TRAFD1: variants seen among roughly 807,000 people sequenced by gnomAD.
The protein encoded by TRAFD1 is TRAF-type zinc finger domain-containing protein 1.
Under a neutral mutation model 65.3 loss-of-function variants are expected in TRAFD1, and 38 were observed. The ratio of observed to expected loss-of-function variants is 0.58; its 90% confidence interval spans 0.45 to 0.76. TRAFD1 has a LOEUF of 0.76. Ranked by LOEUF, TRAFD1 falls within the 30% of genes least tolerant of loss-of-function variation. The pLI, the probability that TRAFD1 is intolerant of heterozygous loss-of-function variation, is 0.00. For synonymous variants in TRAFD1, 223 were observed against 257.2 expected, an observed-to-expected ratio of 0.87 and a Z score of 1.27; for missense variants, 631 against 712.6, an observed-to-expected ratio of 0.89 and a Z score of 1.30.
chr12:112,151,488 G>T (rs1169253625), intron 9 of TRAFD1, among the ~76,000 whole-genome samples: 1 of 151,516 alleles, frequency 6.6e-6, no homozygotes, highest in African/African-American at 2.4e-5. Flanking sequence ...CACCTCCTGG[G>T]TTTAAGTGAT....
At chr12:112,146,492 C>T (rs1278999952) in intron 7 of TRAFD1, among the ~76,000 whole-genome samples, 3 of 152,202 alleles carry the variant, frequency 2.0e-5, no homozygotes, top group African/African-American at 7.2e-5. Flanking sequence ...GATCTGGTCT[C>T]ATCTCATGCC....
intron 9 of TRAFD1, 59 bp downstream of exon 9, chr12:112,149,930 T>C (rs1338827585): frequency 6.2e-7 from 1 of 1,603,150 alleles, no homozygotes; most frequent in Non-Finnish European, 8.5e-7. Context: ...CCGGCCTGTT[T>C]ACCACTTCCC....
In TRAFD1 at chr12:112,152,001, A is replaced by G. The variant is rs1356549937; in HGVS notation, c.1480A>G (p.Ile494Val). The G allele has an allele frequency of 6.2e-7, 1 of 1,614,234 alleles. No individual in the cohort carries two copies. Among genetic ancestry groups the G allele is most frequent in the African/African-American group, 1.3e-5 (1 of 75,058 alleles). The change falls in exon 10 of 12, where the codon ATC becomes GTC. Residue 494 changes from isoleucine (I) to valine (V), a missense_variant. Physicochemically the swap from Ile to Val is conservative, Grantham distance 29. Coordinates refer to ENST00000412615, the MANE Select transcript of TRAFD1 (RefSeq NM_006700.3). This position sits in a 1 kb window ranked among gnomAD's most constrained non-coding sequence, Gnocchi z 5.0. ...PKLSNSDSQD[I>V]QGRNRDSQNG... ...GCTCAGCAACTCAGACAGCCAGGACATCCAGGGGCGGAATCGAGACAGCCA... is the reference window on the plus strand; with the variant it reads ...GCTCAGCAACTCAGACAGCCAGGACGTCCAGGGGCGGAATCGAGACAGCCA...
chr12:112,144,028 A>C (rs780139008), intron 6 of TRAFD1, among the ~76,000 whole-genome samples: 1 of 152,106 alleles, frequency 6.6e-6, no homozygotes, highest in African/African-American at 2.4e-5. Context: ...TGCGCCCAGC[A>C]TAGTTCCCTC....
intron 4 of TRAFD1, among the ~76,000 whole-genome samples, chr12:112,138,502 A>C (rs1032797032): frequency 2.0e-5 from 3 of 151,728 alleles, no homozygotes; most frequent in African/African-American, 7.3e-5. Flanking sequence ...GTGAGCCAAG[A>C]TCACACCACT....
rs751622016 is a variant in TRAFD1 at position 112,148,201 on chromosome 12, CTT to C, written c.1057_1058del (p.Leu353AspfsTer18). ...CAGGCTGCAAGTAACCAGTTAGACT[CTT>C]TGATGGGCCTGAGCAATTCACACCC... On this transcript the variant is annotated frameshift_variant, in exon 8 of 12. Transcript: ENST00000412615. LOFTEE classifies it high-confidence loss of function. The C allele has an allele frequency of 6.2e-7, 1 of 1,614,188 alleles. No individual in the cohort carries two copies. The highest frequency in any genetic ancestry group is 2.2e-5 in the East Asian group (1 of 44,882).
intron 9 of TRAFD1, among the ~76,000 whole-genome samples, chr12:112,151,015 G>A (rs1007153197): frequency 2.0e-5 from 3 of 152,020 alleles, no homozygotes; most frequent in Non-Finnish European, 4.4e-5. Context: ...TGAGGTGGGC[G>A]GATCACAAGG....
chr12:112,133,095 A>G (rs144000137), intron 2 of TRAFD1: 2 of 152,250 alleles, frequency 1.3e-5, no homozygotes, highest in African/African-American at 2.4e-5. Context: ...AAATGGTCTT[A>G]CTCTTTCATG....
In TRAFD1 at chr12:112,152,574, T is replaced by C. The variant is rs2030440328; in HGVS notation, c.1692+75T>C. On this transcript the variant is annotated intron_variant, in intron 11 of 11. Transcript: ENST00000412615. This position sits in a 1 kb window ranked among gnomAD's most constrained non-coding sequence, Gnocchi z 5.0. ...GGGGCTTGTGTGGCTCCTGAAGTTG[T>C]AGAAGTTGTTGGGACCAGGCTGGTT... 3 of 1,600,632 alleles carry C rather than the reference T, an allele frequency of 1.9e-6. No individual in the cohort carries two copies. Among genetic ancestry groups the C allele is most frequent in the Non-Finnish European group, 2.6e-6 (3 of 1,169,920 alleles).
chr12:112,144,088 C>CA (rs1270299810), intron 6 of TRAFD1, among the ~76,000 whole-genome samples: 1 of 151,894 alleles, frequency 6.6e-6, no homozygotes, highest in African/African-American at 2.4e-5. Flanking sequence ...CTTTTGTGTC[C>CA]AAAAATAGCA....
In TRAFD1 at chr12:112,152,694, C is replaced by T. The variant is rs775236840; in HGVS notation, c.1693-41C>T. 51 of 1,613,518 alleles carry T rather than the reference C, an allele frequency of 3.2e-5. 1 individual carries two copies. In the Admixed American group the frequency reaches 8.5e-4, roughly 27 times the overall value. Reference sequence around the variant, plus strand: ...CCAGGGGAGGAGTAATGCTTTTTCACTTTTTATGTAAAGCTTCGTTTGTGT... The same window carrying T: ...CCAGGGGAGGAGTAATGCTTTTTCATTTTTTATGTAAAGCTTCGTTTGTGT... On this transcript the variant is annotated intron_variant, in intron 11 of 11. Transcript: ENST00000412615. This position sits in a 1 kb window ranked among gnomAD's most constrained non-coding sequence, Gnocchi z 5.0.
intron 9 of TRAFD1, among the ~76,000 whole-genome samples, chr12:112,151,164 G>A (rs2030393669): frequency 6.6e-6 from 1 of 151,946 alleles, no homozygotes; most frequent in South Asian, 2.1e-4. Flanking sequence ...CTTGAATCCA[G>A]GAGGCAGAGG....
intron 7 of TRAFD1, among the ~76,000 whole-genome samples, 153 bp from the exon 8 acceptor site, chr12:112,147,921 G>A (rs1423827653): frequency 1.3e-5 from 2 of 151,624 alleles, no homozygotes; most frequent in Non-Finnish European, 2.9e-5. Context: ...CACCTGCCTC[G>A]GCCTCCCAAA....
chr12:112,145,043 G>A (rs1029120392), intron 6 of TRAFD1, among the ~76,000 whole-genome samples: 7 of 152,084 alleles, frequency 4.6e-5, no homozygotes, highest in African/African-American at 9.7e-5. Flanking sequence ...CCTACATCCC[G>A]CCATTGTTCA....
rs1192732528 is a variant in TRAFD1 at position 112,142,203 on chromosome 12, A to G, written c.758A>G (p.Gln253Arg). The change falls in exon 6 of 12, where the codon CAA becomes CGA. Residue 253 changes from glutamine (Q) to arginine (R), a missense_variant. Gln to Arg is a conservative substitution (Grantham distance 43). Coordinates refer to ENST00000412615, the MANE Select transcript of TRAFD1 (RefSeq NM_006700.3). The part of the protein sequence containing the change: ...MLALSLQNEG[Q>R]ASSVAEQDFW... ...GCCCTAAGTCTGCAAAATGAAGGCC[A>G]AGCCTCCAGTGTGGCAGAGCAGGAC... is the stretch of plus-strand genomic sequence containing the variant. 6.2e-7 allele frequency: 1 copy of G among 1,614,032 alleles called. No homozygotes were observed. The highest frequency in any genetic ancestry group is 1.7e-5 in the Admixed American group (1 of 60,012).
intron 1 of TRAFD1, 73 bp downstream of exon 1, chr12:112,125,691 G>A (rs1244271168): frequency 3.3e-5 from 5 of 152,390 alleles, no homozygotes; most frequent in Non-Finnish European, 7.3e-5. Flanking sequence ...AGCATCCCAA[G>A]GGAGGGGTGT....
Position 112,134,733 on chromosome 12 carries a change from C to T in TRAFD1, c.48-5C>T, listed in dbSNP as rs141334052. 3,674 of 1,610,712 alleles carry T rather than the reference C, an allele frequency of 2.3e-3. 11 individuals are homozygous for T. The highest frequency in any genetic ancestry group is 3.0e-3 in the Non-Finnish European group (3,490 of 1,177,210). ...CTTGCCTTTTTCTTTGGTCTATTTC[C>T]GTAGCAAAAAAGAAATTCCTGTGTT... is the stretch of plus-strand genomic sequence containing the variant. On this transcript the variant is annotated splice_region_variant and splice_polypyrimidine_tract_variant and intron_variant, in intron 2 of 11. Coordinates refer to ENST00000412615, the MANE Select transcript of TRAFD1 (RefSeq NM_006700.3).
Position 112,140,811 on chromosome 12 carries a change from T to C in TRAFD1, c.238-8T>C, listed in dbSNP as rs1372675910. On this transcript the variant is annotated splice_polypyrimidine_tract_variant and splice_region_variant and intron_variant, in intron 4 of 11. Transcript: ENST00000412615. Reference sequence around the variant, plus strand: ...GCATATTAACTGCCTCATTCCTCTGTTTTGTAGGAGACTGAGTGCCCTTTG... The same window carrying C: ...GCATATTAACTGCCTCATTCCTCTGCTTTGTAGGAGACTGAGTGCCCTTTG... 1.2e-6 allele frequency: 2 copies of C among 1,613,302 alleles called. No individual in the cohort carries two copies. The highest frequency in any genetic ancestry group is 3.3e-5 in the Admixed American group (2 of 60,002).
At chr12:112,143,692 T>TCTTTTGTTC (rs1386686894) in intron 6 of TRAFD1, among the ~76,000 whole-genome samples, 2 of 151,976 alleles carry the variant, frequency 1.3e-5, no homozygotes, top group Non-Finnish European at 2.9e-5. Context: ...TTTAAAATAA[T>TCTTTTGTTC]CTTTTGTTCC....
Sources: allele counts gnomAD v4.1 joint callset (sites outside exome capture counted in the v4.1 genomes callset), GRCh38; gene constraint gnomAD v4.1.1; non-coding constraint Gnocchi (gnomAD v3.1); transcripts MANE v1.5; gene names NCBI Gene and HGNC (gene_info 2026-07-23, HGNC 2026-07-21).